ATXN1: variants seen among roughly 807,000 people sequenced by gnomAD.
The protein encoded by ATXN1 is ataxin 1, also known as ataxin-1.
Under a neutral mutation model 56.4 loss-of-function variants are expected in ATXN1, and 8 were observed. That is an observed-to-expected ratio of 0.14 (90% confidence interval 0.08 to 0.26). The LOEUF (loss-of-function observed/expected upper bound fraction) is 0.26. ATXN1 is among the 10% of genes least tolerant of loss of function. The pLI, the probability that ATXN1 is intolerant of heterozygous loss-of-function variation, is 1.00. For synonymous variants in ATXN1, 514 were observed against 494.6 expected, an observed-to-expected ratio of 1.04 and a Z score of -0.52; for missense variants, 987 against 1,106.5, an observed-to-expected ratio of 0.89 and a Z score of 1.53.
intron 1 of ATXN1, chr6:16,754,114 T>C (rs1331854044): frequency 2.0e-5 from 3 of 152,190 alleles, no homozygotes; most frequent in African/African-American, 7.2e-5. Context: ...ACGGAAGAAG[T>C]TGAGGACTCG....
chr6:16,477,392 GAA>G (rs1246645414), intron 6 of ATXN1, among the ~76,000 whole-genome samples: 1 of 152,220 alleles, frequency 6.6e-6, no homozygotes, highest in Non-Finnish European at 1.5e-5. Flanking sequence ...GAAAATGGCA[GAA>G]AAAGTCATTT....
Position 16,330,458 on chromosome 6 carries a change from C to T in ATXN1, c.-160-1988G>A, listed in dbSNP as rs371831777. Reference sequence around the variant, plus strand: ...AGACTGAAGTGCAGTGGCGTGATCTCGGCTTGCTGCAACCTGTGCCTCCTG... The same window carrying T: ...AGACTGAAGTGCAGTGGCGTGATCTTGGCTTGCTGCAACCTGTGCCTCCTG... On this transcript the variant is annotated intron_variant, in intron 6 of 7. Transcript: ENST00000436367. 1.4e-4 allele frequency among the ~76,000 whole-genome samples: 19 copies of T among 139,558 alleles called. No homozygotes were observed. In the East Asian group the frequency reaches 3.5e-3, roughly 26 times the overall value. 91.6% of individuals were successfully genotyped at this position (139,558 alleles called of 152,430 possible). A position where few individuals can be genotyped will look rare whatever the true frequency, so the allele number is the denominator to read the frequency against.
chr6:16,333,082 G>A (rs756213771), intron 6 of ATXN1, among the ~76,000 whole-genome samples: 2 of 152,216 alleles, frequency 1.3e-5, no homozygotes, highest in Admixed American at 6.5e-5. Context: ...GGTGTTGTAC[G>A]TAAACACAGA....
At chr6:16,613,497 A>T (rs1040551264) in intron 3 of ATXN1, among the ~76,000 whole-genome samples, 2 of 152,040 alleles carry the variant, frequency 1.3e-5, no homozygotes, top group African/African-American at 2.4e-5. Context: ...TTAAATTTTT[A>T]AAATATGTAA....
intron 3 of ATXN1, among the ~76,000 whole-genome samples, chr6:16,651,297 C>A (rs1451361990): frequency 2.0e-5 from 3 of 152,178 alleles, no homozygotes; most frequent in Admixed American, 6.5e-5. Context: ...GTAATCCCAA[C>A]ACTTTGGGAG....
intron 2 of ATXN1, among the ~76,000 whole-genome samples, chr6:16,669,740 T>C (rs775350487): frequency 6.6e-6 from 1 of 151,180 alleles, no homozygotes; most frequent in African/African-American, 2.4e-5. Flanking sequence ...GTTACATAAG[T>C]ATACATGTAT....
At chr6:16,609,812 A>G (rs941442877) in intron 3 of ATXN1, among the ~76,000 whole-genome samples, 2 of 152,218 alleles carry the variant, frequency 1.3e-5, no homozygotes, top group African/African-American at 4.8e-5. Flanking sequence ...GGAAATAGAA[A>G]CAAGTTTCAG....
intron 6 of ATXN1, among the ~76,000 whole-genome samples, chr6:16,347,957 A>G (rs1761462540): frequency 1.3e-5 from 2 of 152,248 alleles, no homozygotes; most frequent in South Asian, 4.1e-4. Context: ...TATAACACTC[A>G]CCGGAAAGGT....
intron 6 of ATXN1, among the ~76,000 whole-genome samples, chr6:16,445,509 CT>C (rs199711711): frequency 2.2e-4 from 33 of 148,152 alleles, no homozygotes; most frequent in East Asian, 3.9e-4. Flanking sequence ...TTTGATATTT[CT>C]TTTTTTTTTA....
At chr6:16,499,590 C>T (rs995315742) in intron 5 of ATXN1, among the ~76,000 whole-genome samples, 1 of 152,064 alleles carries the variant, frequency 6.6e-6, no homozygotes, top group Non-Finnish European at 1.5e-5. Context: ...GTGTTTGTGC[C>T]CCTCTAGTGA....
At chr6:16,616,807 T>G (rs573022199) in intron 3 of ATXN1, among the ~76,000 whole-genome samples, 2 of 151,142 alleles carry the variant, frequency 1.3e-5, no homozygotes, top group East Asian at 3.9e-4. Flanking sequence ...TATACAGTAG[T>G]CTCCCCATAG....
chr6:16,363,408 C>G (rs561779334), intron 6 of ATXN1, among the ~76,000 whole-genome samples: 48 of 152,260 alleles, frequency 3.2e-4, no homozygotes, highest in African/African-American at 1.1e-3. Context: ...CCAGGTTGTC[C>G]TGGTGTCTGA....
intron 2 of ATXN1, among the ~76,000 whole-genome samples, chr6:16,742,017 T>A (rs1329751337): frequency 6.6e-6 from 1 of 152,138 alleles, no homozygotes; most frequent in African/African-American, 2.4e-5. Context: ...ACACCGAAAT[T>A]TGGGCTTAGA....
chr6:16,368,343 CTTTTT>C (rs10527935), intron 6 of ATXN1, among the ~76,000 whole-genome samples: 8 of 75,872 alleles, frequency 1.1e-4, no homozygotes, highest in East Asian at 4.7e-4. Context: ...ACTTCTTCTT[CTTTTT>C]TTTTTTTTTT....
At chr6:16,618,646 C>T (rs994485712) in intron 3 of ATXN1, among the ~76,000 whole-genome samples, 1 of 147,356 alleles carries the variant, frequency 6.8e-6, no homozygotes, top group Non-Finnish European at 1.5e-5. Flanking sequence ...CGCTTGAACC[C>T]GGGAGGCGGA....
intron 5 of ATXN1, among the ~76,000 whole-genome samples, chr6:16,514,793 C>T (rs1332484975): frequency 1.3e-5 from 2 of 151,870 alleles, no homozygotes; most frequent in Non-Finnish European, 2.9e-5. Flanking sequence ...ACCAGCCTGG[C>T]CAACATGGTG....
Position 16,327,184 on chromosome 6 carries a change from G to A in ATXN1, c.1127C>T (p.Ser376Leu), listed in dbSNP as rs144862299. The change falls in exon 7 of 8, where the codon TCG becomes TTG. Residue 376 changes from serine to leucine, a missense_variant. By Grantham distance (145) the Ser-to-Leu change is moderately radical (BLOSUM62 -2). This residue lies in a region of ATXN1 where 723 missense variants were observed against 791.7 expected (regional missense o/e 0.91). Coordinates refer to ENST00000436367, the MANE Select transcript of ATXN1 (RefSeq NM_001128164.2). ...GACCATCACAGAGGCCCGGACCCCC[G>A]AAGGATCACGACTGCTGTAGTCTGA... ...SPSDYSSRDP[S>L]GVRASVMVLP... The A allele has an allele frequency of 1.8e-5, 29 of 1,613,818 alleles. No individual in the cohort carries two copies. Among genetic ancestry groups the A allele is most frequent in the South Asian group, 2.2e-5 (2 of 91,092 alleles).
At position 16,430,932 on chromosome 6, in the gene ATXN1, G is replaced by A. The variant is rs77396486; in HGVS notation, c.-161+55040C>T. On this transcript the variant is annotated intron_variant, in intron 6 of 7. Transcript: ENST00000436367. Reference sequence around the variant, plus strand: ...AATATTTACAGAAGAAAAAAGAGGCGGGAGAAATGTGAATGCATTTGAGAT... The same window carrying A: ...AATATTTACAGAAGAAAAAAGAGGCAGGAGAAATGTGAATGCATTTGAGAT... Among the ~76,000 whole-genome samples, 13 of 152,220 alleles carry A rather than the reference G, an allele frequency of 8.5e-5. 1 individual carries two copies. In the South Asian group the frequency reaches 2.1e-3, roughly 24 times the overall value.
intron 4 of ATXN1, 133 bp from the exon 5 acceptor site, chr6:16,522,821 G>A (rs1425176274): frequency 6.6e-6 from 1 of 152,188 alleles, no homozygotes; most frequent in East Asian, 1.9e-4. Flanking sequence ...CACAATAAAT[G>A]TCTGAAGAAC....
Sources: allele counts gnomAD v4.1 joint callset (sites outside exome capture counted in the v4.1 genomes callset), GRCh38; gene constraint gnomAD v4.1.1; regional missense constraint gnomAD v4.1.1; transcripts MANE v1.5; gene names NCBI Gene and HGNC (gene_info 2026-07-23, HGNC 2026-07-21).